Variants in RPA1 observed in about 807,000 individuals in gnomAD.
The protein encoded by RPA1 is replication protein A1.
A neutral mutation model predicts 83.0 loss-of-function variants in RPA1; 49 were observed. The ratio of observed to expected loss-of-function variants is 0.59; its 90% CI spans 0.47 to 0.75. RPA1 has a LOEUF of 0.75. Ranked by LOEUF, RPA1 falls within the 30% of genes least tolerant of loss-of-function variation. The pLI, the probability that RPA1 is intolerant of heterozygous loss-of-function variation, is 0.00. For synonymous variants in RPA1, 279 were observed against 281.8 expected, an observed-to-expected ratio of 0.99 and a Z score of 0.10; for missense variants, 693 against 776.1, an observed-to-expected ratio of 0.89 and a Z score of 1.27.
intron 15 of RPA1, among the ~76,000 whole-genome samples, chr17:1,893,674 A>C (rs905673640): frequency 6.6e-6 from 1 of 151,820 alleles, no homozygotes; most frequent in Admixed American, 6.6e-5. Context: ...TCTGTTTACC[A>C]GACTTTTTTT....
chr17:1,838,107 C>T (rs1911891268), intron 1 of RPA1, among the ~76,000 whole-genome samples: 1 of 151,484 alleles, frequency 6.6e-6, no homozygotes, highest in African/African-American at 2.4e-5. Flanking sequence ...ACCTGGCCAA[C>T]ATGGAGAAAT....
At chr17:1,866,625 A>AT (rs1238207123) in intron 5 of RPA1, among the ~76,000 whole-genome samples, 2 of 151,936 alleles carry the variant, frequency 1.3e-5, no homozygotes. Context: ...CCACCGGCTA[A>AT]TTTTTTTATA....
chr17:1,844,544 T>C (rs1912184473), intron 3 of RPA1, 34 bp from the exon 4 acceptor site: 1 of 1,573,608 alleles, frequency 6.4e-7, no homozygotes, highest in Admixed American at 1.7e-5. Context: ...GACTGCAGGA[T>C]TTTGGAGGCT....
Position 1,872,500 on chromosome 17 carries a change from A to G in RPA1, c.428A>G (p.Gln143Arg). 2 of 1,614,026 alleles carry G rather than the reference A, an allele frequency of 1.2e-6. No individual in the cohort carries two copies. The highest frequency in any genetic ancestry group is 1.7e-6 in the Non-Finnish European group (2 of 1,180,012). Residue 143 changes from glutamine to arginine, a missense_variant, in exon 6 of 17, where the codon CAG (glutamine) becomes CGG (arginine). By Grantham distance (43) the Gln-to-Arg change is conservative. Transcript: ENST00000254719. Reference sequence around the variant, plus strand: ...AGCCCAGCAGCAAGCAGCAGGCCCCAGCCGCAGAATGGAAGCTCGGGAATG... The same window carrying G: ...AGCCCAGCAGCAAGCAGCAGGCCCCGGCCGCAGAATGGAAGCTCGGGAATG... Reference protein sequence around the residue: ...AASPAASSRPQPQNGSSGMGS... With the variant: ...AASPAASSRPRPQNGSSGMGS...
intron 13 of RPA1, among the ~76,000 whole-genome samples, chr17:1,887,312 C>T (rs1914027578): frequency 6.6e-6 from 1 of 152,002 alleles, no homozygotes; most frequent in African/African-American, 2.4e-5. Flanking sequence ...AATCCCAGCA[C>T]TTTGGGAGGC....
chr17:1,883,542 G>A (rs1353888646), intron 12 of RPA1, among the ~76,000 whole-genome samples: 2 of 152,154 alleles, frequency 1.3e-5, no homozygotes, highest in African/African-American at 4.8e-5. Flanking sequence ...ACTGAGCTCA[G>A]GGGGTCAAAG....
intron 4 of RPA1, among the ~76,000 whole-genome samples, chr17:1,844,951 T>C (rs535209694): frequency 2.0e-5 from 3 of 152,202 alleles, no homozygotes; most frequent in South Asian, 4.1e-4. Context: ...AAGAATCTTA[T>C]CTCTTTTGTT....
chr17:1,872,495 G>A lies in RPA1; in HGVS notation c.423G>A (p.Arg141=). The A allele has an allele frequency of 6.2e-7, 1 of 1,613,776 alleles. No homozygotes were observed. Among genetic ancestry groups the A allele is most frequent in the Non-Finnish European group, 8.5e-7 (1 of 1,179,982 alleles). The stretch of plus-strand genomic sequence containing the variant: ...CAGCCAGCCCAGCAGCAAGCAGCAG[G>A]CCCCAGCCGCAGAATGGAAGCTCGG... The part of the protein sequence containing the change: ...APAASPAASS[R]PQPQNGSSGM... Residue 141 remains arginine, a synonymous_variant, in exon 6 of 17, where the codon AGG becomes AGA. Transcript: ENST00000254719.
Position 1,841,643 on chromosome 17 carries a change from A to G in RPA1, c.34-1160A>G, listed in dbSNP as rs75717466. 3.8e-3 allele frequency among the ~76,000 whole-genome samples: 574 copies of G among 152,216 alleles called. 5 individuals are homozygous for G. The highest frequency in any genetic ancestry group is 0.013 in the African/African-American group (547 of 41,514). On this transcript the variant is annotated intron_variant, in intron 1 of 16. Coordinates refer to ENST00000254719, the MANE Select transcript of RPA1 (RefSeq NM_002945.5). ...GACTTTTTTTCCCTTGCCCTATTGCATTAGTTAGAACCTCTAATACCACAT... is the reference window on the plus strand; with the variant it reads ...GACTTTTTTTCCCTTGCCCTATTGCGTTAGTTAGAACCTCTAATACCACAT...
chr17:1,835,155 T>G (rs2151265879), intron 1 of RPA1, among the ~76,000 whole-genome samples: 1 of 151,874 alleles, frequency 6.6e-6, no homozygotes, highest in South Asian at 2.1e-4. Flanking sequence ...CTGGCCGTAA[T>G]TTTTTTTAAA....
intron 6 of RPA1, among the ~76,000 whole-genome samples, chr17:1,875,031 A>G (rs574784115): frequency 7.2e-5 from 11 of 152,362 alleles, no homozygotes; most frequent in Non-Finnish European, 1.2e-4. Context: ...AGCGCAGGGC[A>G]GCTGCTTAGG....
rs536933880 is a variant in RPA1, at chr17:1,884,107, G to T, written c.1374+163G>T. Among the ~76,000 whole-genome samples the T allele has an allele frequency of 7.9e-5, 12 of 152,304 alleles. No individual in the cohort carries two copies. Among genetic ancestry groups the T allele is most frequent in the African/African-American group, 2.6e-4 (11 of 41,576 alleles). ...TGAGAATCACTGGCAGAGGGAAGCA[G>T]CCAGGTGTGCTCATGGGAATATGTG... On this transcript the variant is annotated intron_variant, in intron 13 of 16. Coordinates refer to ENST00000254719, the MANE Select transcript of RPA1 (RefSeq NM_002945.5). The surrounding 1 kb of genome is among the most constrained non-coding windows in gnomAD (Gnocchi z 4.1).
chr17:1,857,013 C>T (rs1358381702), intron 5 of RPA1, among the ~76,000 whole-genome samples: 1 of 151,334 alleles, frequency 6.6e-6, no homozygotes, highest in African/African-American at 2.4e-5. Context: ...ATATTTTTTT[C>T]TCGTTTCTTA....
chr17:1,845,197 C>G (rs988247319), intron 4 of RPA1, among the ~76,000 whole-genome samples: 9 of 104,364 alleles, frequency 8.6e-5, no homozygotes, highest in African/African-American at 3.3e-4. Context: ...TGTGTGTGTA[C>G]AATCTTGAAT....
intron 8 of RPA1, among the ~76,000 whole-genome samples, chr17:1,878,522 A>G (rs1476872687): frequency 6.6e-6 from 1 of 152,212 alleles, no homozygotes; most frequent in Non-Finnish European, 1.5e-5. Context: ...ACTTGCAAAC[A>G]TGACTTACTC....
At chr17:1,881,808 T>A (rs1377222995) in intron 12 of RPA1, among the ~76,000 whole-genome samples, 3 of 152,204 alleles carry the variant, frequency 2.0e-5, no homozygotes, top group African/African-American at 7.2e-5. Flanking sequence ...GCTCAGTGCA[T>A]ACATGATACC....
intron 13 of RPA1, among the ~76,000 whole-genome samples, chr17:1,888,352 T>A (rs1914070947): frequency 6.6e-6 from 1 of 152,222 alleles, no homozygotes; most frequent in African/African-American, 2.4e-5. Flanking sequence ...ATCTTTGTCT[T>A]TCATACAGTG....
At chr17:1,835,074 A>G (rs1597414355) in intron 1 of RPA1, among the ~76,000 whole-genome samples, 1 of 151,270 alleles carries the variant, frequency 6.6e-6, no homozygotes, top group Non-Finnish European at 1.5e-5. Context: ...CTGGTCTTGA[A>G]CCCCTGGCCT....
chr17:1,891,607 A>G (rs934862104), intron 14 of RPA1: 8 of 278,762 alleles, frequency 2.9e-5, no homozygotes, highest in Non-Finnish European at 4.7e-5. Context: ...TTTCGTAGAG[A>G]CGGAGTTTCA....
Sources: allele counts gnomAD v4.1 joint callset (sites outside exome capture counted in the v4.1 genomes callset), GRCh38; gene constraint gnomAD v4.1.1; non-coding constraint Gnocchi (gnomAD v3.1); transcripts MANE v1.5; gene names NCBI Gene and HGNC (gene_info 2026-07-23, HGNC 2026-07-21).